The following SS18 variants were observed in gnomAD, a reference collection of about 807,000 sequenced individuals.
SS18 encodes the protein SS18 subunit of BAF chromatin remodeling complex.
A neutral mutation model predicts 72.5 loss-of-function variants in SS18; 28 were observed. The observed-to-expected ratio is 0.39, with a 90% CI of 0.29 to 0.53. SS18 has a LOEUF of 0.53. SS18 is among the 20% of genes least tolerant of loss of function. The pLI, the probability that SS18 is intolerant of heterozygous loss-of-function variation, is 0.76. For synonymous variants in SS18, 172 were observed against 164.2 expected (o/e 1.05, Z -0.37); for missense variants, 518 against 535.3 (o/e 0.97, Z 0.32).
At position 26,070,190 on chromosome 18, in the gene SS18, G is replaced by A. The variant is rs117579815; in HGVS notation, c.231+7886C>T. Among the ~76,000 whole-genome samples the A allele has an allele frequency of 7.2e-5, 11 of 152,266 alleles. No homozygotes were observed. The East Asian group carries it at 2.1e-3, about 29-fold the overall frequency. ...AAATGGTTCCTAATTATGAAAATAAGTATGTCAATAGTTTGTTGTTTCAGA... is the reference window on the plus strand; with the variant it reads ...AAATGGTTCCTAATTATGAAAATAAATATGTCAATAGTTTGTTGTTTCAGA... On this transcript the variant is annotated intron_variant, in intron 3 of 10. Coordinates refer to ENST00000415083, the MANE Select transcript of SS18 (RefSeq NM_001007559.3).
chr18:26,039,932 C>A (rs547478883), intron 5 of SS18, among the ~76,000 whole-genome samples: 1 of 152,290 alleles, frequency 6.6e-6, no homozygotes, highest in East Asian at 1.9e-4. Flanking sequence ...TTTTTCAATA[C>A]TCACTCATTA....
intron 4 of SS18, among the ~76,000 whole-genome samples, chr18:26,055,143 G>A (rs1031441441): frequency 6.6e-6 from 1 of 152,018 alleles, no homozygotes; most frequent in Non-Finnish European, 1.5e-5. Context: ...TGGTCCCATA[G>A]GCATGTATTA....
chr18:26,067,892 G>A (rs1055385772), intron 3 of SS18, among the ~76,000 whole-genome samples: 3 of 152,152 alleles, frequency 2.0e-5, no homozygotes, highest in Non-Finnish European at 4.4e-5. Flanking sequence ...AGGGGCAGGC[G>A]AGGGATGATT....
intron 10 of SS18, among the ~76,000 whole-genome samples, chr18:26,029,167 A>G (rs910925403): frequency 6.6e-6 from 1 of 152,212 alleles, no homozygotes; most frequent in African/African-American, 2.4e-5. Flanking sequence ...CAAATAGGCC[A>G]GTGTGACTGA....
chr18:26,058,648 A>G (rs955046522), intron 3 of SS18, among the ~76,000 whole-genome samples: 19 of 152,250 alleles, frequency 1.2e-4, no homozygotes, highest in African/African-American at 4.6e-4. Context: ...TGGCACACTT[A>G]ATAGATACAC....
chr18:26,028,744 G>A (rs908133944), intron 10 of SS18, among the ~76,000 whole-genome samples: 1 of 152,200 alleles, frequency 6.6e-6, no homozygotes, highest in Non-Finnish European at 1.5e-5. Context: ...CAGTAACAAT[G>A]TCTGGAGAAG....
At chr18:26,027,621 G>A (rs1427594821) in intron 10 of SS18, among the ~76,000 whole-genome samples, 1 of 134,464 alleles carries the variant, frequency 7.4e-6, no homozygotes, top group Admixed American at 8.3e-5. Flanking sequence ...GCAGTGAGCT[G>A]AGATCGCGCC....
chr18:26,052,252 T>C (rs1340298601), intron 5 of SS18, among the ~76,000 whole-genome samples: 1 of 152,210 alleles, frequency 6.6e-6, no homozygotes, highest in African/African-American at 2.4e-5. Context: ...AACATCCATA[T>C]AAATCAAGGG....
intron 3 of SS18, among the ~76,000 whole-genome samples, chr18:26,073,765 T>C (rs1160610869): frequency 2.0e-5 from 3 of 152,196 alleles, no homozygotes; most frequent in African/African-American, 7.2e-5. Context: ...AATGGGAAAA[T>C]AATAAACATT....
At chr18:26,048,111 G>A (rs2053861395) in intron 5 of SS18, among the ~76,000 whole-genome samples, 1 of 152,232 alleles carries the variant, frequency 6.6e-6, no homozygotes, top group Non-Finnish European at 1.5e-5. Context: ...CAAATAGGAA[G>A]ACTGTCACTG....
Position 26,057,688 on chromosome 18 carries a change from G to T in SS18, c.286C>A (p.Pro96Thr). 6.2e-7 allele frequency: 1 copy of T among 1,614,164 alleles called. No homozygotes were observed. The highest frequency in any genetic ancestry group is 8.5e-7 in the Non-Finnish European group (1 of 1,180,032). Reference protein sequence around the residue: ...GPGGMNQSGPPPPPRSHNMPS... With the variant: ...GPGGMNQSGPTPPPRSHNMPS... ...ATGTTGTGAGAGCGTGGAGGTGGGG[G>T]AGGGCCGCTCTGATTCATCCCTCCA... is the stretch of plus-strand genomic sequence containing the variant. The change falls in exon 4 of 11, where the codon CCC (proline) becomes ACC (threonine). Residue 96 changes from proline to threonine, a missense_variant. Pro to Thr is a conservative substitution (Grantham distance 38). Transcript: ENST00000415083.
chr18:26,054,876 G>A (rs112953054), intron 4 of SS18, among the ~76,000 whole-genome samples: 55 of 152,072 alleles, frequency 3.6e-4, no homozygotes, highest in Admixed American at 3.5e-3. Context: ...AAGTAGCTGG[G>A]ATTACAAGTG....
chr18:26,031,285 T>C (rs888134162), intron 10 of SS18, among the ~76,000 whole-genome samples: 1 of 152,172 alleles, frequency 6.6e-6, no homozygotes, highest in Non-Finnish European at 1.5e-5. Context: ...TCCTTTGCCT[T>C]AAATAAGAAG....
At position 26,055,102 on chromosome 18, in the gene SS18, C is replaced by A. The variant is rs150305326; in HGVS notation, c.386-2257G>T. Among the ~76,000 whole-genome samples, 201 of 152,080 alleles carry A rather than the reference C, an allele frequency of 1.3e-3. 1 individual carries two copies. Among genetic ancestry groups the A allele is most frequent in the African/African-American group, 4.7e-3 (197 of 41,482 alleles). The stretch of plus-strand genomic sequence containing the variant: ...TCTCTAGAACTGTCTGGAGAGGTGG[C>A]GGCTAGGCATCCTTTGGTATCCTTT... On this transcript the variant is annotated intron_variant, in intron 4 of 10. Coordinates refer to ENST00000415083, the MANE Select transcript of SS18 (RefSeq NM_001007559.3).
Position 26,016,493 on chromosome 18 carries a change from C to G in SS18, c.*1861G>C, listed in dbSNP as rs1282115267. ...ATCCCAGCACTTTGGAAGGCCGAGG[C>G]GGGTGGATCACCTGAGGTCAGGAGT... On this transcript the variant is annotated 3_prime_UTR_variant, in exon 11 of 11. Transcript: ENST00000415083. The G allele has an allele frequency of 5.5e-6, 1 of 180,256 alleles. No individual in the cohort carries two copies. Among genetic ancestry groups the G allele is most frequent in the Non-Finnish European group, 1.2e-5 (1 of 84,264 alleles). The allele number at this position is 180,256 out of a possible 1,614,324, so 11.2% of individuals were successfully genotyped here.
At chr18:26,087,344 C>T (rs1568036599) in intron 2 of SS18, among the ~76,000 whole-genome samples, 157 bp downstream of exon 2, 1 of 151,990 alleles carries the variant, frequency 6.6e-6, no homozygotes, top group Non-Finnish European at 1.5e-5. Flanking sequence ...AATACCAGCA[C>T]AACTCTATGA....
At chr18:26,034,121 C>A (rs532004331) in intron 9 of SS18, among the ~76,000 whole-genome samples, 96 of 152,174 alleles carry the variant, frequency 6.3e-4, no homozygotes, top group African/African-American at 2.1e-3. Flanking sequence ...AGTTTCAACA[C>A]GTATGCTGAG....
At chr18:26,055,028 C>T (rs1047114966) in intron 4 of SS18, among the ~76,000 whole-genome samples, 6 of 152,178 alleles carry the variant, frequency 3.9e-5, no homozygotes, top group African/African-American at 1.4e-4. Flanking sequence ...CTTGAGCCAC[C>T]ATGCCCAGCG....
rs185541243 is a variant in SS18 at position 26,021,877 on chromosome 18, A to C, written c.1231-3497T>G. The stretch of plus-strand genomic sequence containing the variant: ...TCTGCTGAATTAATACCTATGATAC[A>C]TCTAAGCAGAGCTGTCGAGTAGGCA... On this transcript the variant is annotated intron_variant, in intron 10 of 10. Coordinates refer to ENST00000415083, the MANE Select transcript of SS18 (RefSeq NM_001007559.3). Among the ~76,000 whole-genome samples the C allele has an allele frequency of 2.2e-4, 34 of 152,328 alleles. No homozygotes were observed. The East Asian group carries it at 6.2e-3, about 28-fold the overall frequency.
Sources: allele counts gnomAD v4.1 joint callset (sites outside exome capture counted in the v4.1 genomes callset), GRCh38; gene constraint gnomAD v4.1.1; transcripts MANE v1.5; gene names NCBI Gene and HGNC (gene_info 2026-07-23, HGNC 2026-07-21).